The following RNF212 variants were observed in gnomAD, a reference collection of about 807,000 sequenced individuals.
The protein encoded by RNF212 is probable E3 SUMO-protein ligase RNF212.
RNF212 carries 33 observed loss-of-function variants against 34.7 expected under a neutral mutation model. The observed-to-expected ratio is 0.95, with a 90% CI of 0.72 to 1.27. RNF212 has a LOEUF of 1.27. Ranked by LOEUF, RNF212 falls within the 50% of genes most tolerant of loss-of-function variation. RNF212 has a pLI of 0.00. For missense variants in RNF212, 377 were observed against 362.2 expected, an observed-to-expected ratio of 1.04 and a Z score of -0.33; for synonymous variants, 140 against 136.1, an observed-to-expected ratio of 1.03 and a Z score of -0.20.
At chr4:1,089,324 C>G (rs676561) in intron 4 of RNF212, among the ~76,000 whole-genome samples, 1 of 152,118 alleles carries the variant, frequency 6.6e-6, no homozygotes, top group Non-Finnish European at 1.5e-5. Flanking sequence ...CTGCTGGGTT[C>G]TGGACTTGCA....
intron 5 of RNF212, among the ~76,000 whole-genome samples, chr4:1,082,201 GACAAGTT>G (rs1214550376): frequency 1.3e-5 from 2 of 152,088 alleles, no homozygotes; most frequent in African/African-American, 2.4e-5. Flanking sequence ...GAGAAATATG[GACAAGTT>G]ACTTGGTCAC....
chr4:1,056,472 C>T, exon 5 of RNF212: 2 of 983,316 alleles, frequency 2.0e-6, no homozygotes, highest in Non-Finnish European at 1.2e-6. Flanking sequence ...AAAAACACAA[C>T]TTTGTCTTTG....
At chr4:1,078,960 C>T (rs1560109459) in intron 8 of RNF212, among the ~76,000 whole-genome samples, 4 of 150,802 alleles carry the variant, frequency 2.7e-5, no homozygotes, top group African/African-American at 9.8e-5. Flanking sequence ...CAACACAGGA[C>T]CAACATAGGA....
At position 1,073,161 on chromosome 4, in the gene RNF212, G is replaced by A. The variant is rs570777794; in HGVS notation, c.607C>T (p.Pro203Ser). The change falls in exon 10 of 10, where the codon CCA becomes TCA. Residue 203 changes from proline (P) to serine (S), a missense_variant. Transcript: ENST00000433731. Reference protein sequence around the residue: ...PHLTASFCFIPWLTLSKPPVP... With the variant: ...PHLTASFCFISWLTLSKPPVP... Reference sequence around the variant, plus strand: ...GGGGGCTTAGACAAGGTCAACCATGGGATGAAACAGAAAGAAGCTGTTAGA... The same window carrying A: ...GGGGGCTTAGACAAGGTCAACCATGAGATGAAACAGAAAGAAGCTGTTAGA... 9 of 1,614,032 alleles carry A rather than the reference G, an allele frequency of 5.6e-6. No homozygotes were observed. In the African/African-American group the frequency reaches 1.2e-4, roughly 22 times the overall value.
rs1577643048 is a variant in RNF212, at chr4:1,073,176, A to C, written c.592T>G (p.Ser198Ala). The change falls in exon 10 of 10, where the codon TCT (serine) becomes GCT (alanine). Residue 198 changes from serine (S) to alanine (A), a missense_variant. Transcript: ENST00000433731. ...GTCAACCATGGGATGAAACAGAAAG[A>C]AGCTGTTAGATGTGGCCCTGCGGGA... ...DGRMGPHLTA[S>A]FCFIPWLTLS... The C allele has an allele frequency of 1.9e-6, 3 of 1,613,946 alleles. No individual in the cohort carries two copies. The South Asian group carries it at 3.3e-5, about 18-fold the overall frequency.
intron 4 of RNF212, chr4:1,056,839 T>TA (rs1717355451): frequency 1.0e-6 from 1 of 987,618 alleles, no homozygotes; most frequent in Admixed American, 6.1e-5. Context: ...AGCACTTGCC[T>TA]AAACACTGCC....
chr4:1,113,345 G>A lies in RNF212; in HGVS notation c.109+11C>T. The A allele has an allele frequency of 6.5e-7, 1 of 1,549,166 alleles. No individual in the cohort carries two copies. Among genetic ancestry groups the A allele is most frequent in the Non-Finnish European group, 8.7e-7 (1 of 1,152,306 alleles). ...CCTCCCCTCTCCAGCCTGCGTTCGG[G>A]AAGCCCTGACCTTTGCCGAGGCAGG... On this transcript the variant is annotated intron_variant, in intron 1 of 9. Coordinates refer to ENST00000433731, the MANE Select transcript of RNF212 (RefSeq NM_001131034.4).
At chr4:1,056,550 T>C (rs1717340647) in intron 4 of RNF212, 3 of 933,000 alleles carry the variant, frequency 3.2e-6, no homozygotes, top group Non-Finnish European at 3.8e-6. Flanking sequence ...AAAAATAAGG[T>C]GGGGAGAAGA....
intron 8 of RNF212, among the ~76,000 whole-genome samples, chr4:1,076,502 CGA>C (rs554322498): frequency 9.2e-5 from 14 of 152,252 alleles, no homozygotes; most frequent in African/African-American, 3.4e-4. Flanking sequence ...AGGTTCACCT[CGA>C]GAGAGGCCTG....
At chr4:1,103,811 A>G (rs1053451554) in intron 2 of RNF212, among the ~76,000 whole-genome samples, 1 of 152,226 alleles carries the variant, frequency 6.6e-6, no homozygotes, top group Non-Finnish European at 1.5e-5. Flanking sequence ...TTGACCCTGA[A>G]ATTAGGAAAA....
chr4:1,087,467 G>A (rs1721500637), intron 4 of RNF212, among the ~76,000 whole-genome samples: 1 of 119,506 alleles, frequency 8.4e-6, no homozygotes, highest in African/African-American at 3.3e-5. Context: ...GGTGGGTGGG[G>A]GTGACAGGAT....
intron 3 of RNF212, among the ~76,000 whole-genome samples, chr4:1,094,908 G>A (rs1722803673): frequency 6.6e-6 from 1 of 152,144 alleles, no homozygotes; most frequent in Non-Finnish European, 1.5e-5. Context: ...CAGACCAAAT[G>A]AACATTGTCA....
In RNF212 at chr4:1,076,013, G is replaced by A. The variant is rs537535362; in HGVS notation, c.511-2351C>T. On this transcript the variant is annotated intron_variant, in intron 8 of 9. Transcript: ENST00000433731. ...AATGGTATTCATTTTGTATTTGTGAGTCATGATTTTACCTTTTCAAAAAGA... is the reference window on the plus strand; with the variant it reads ...AATGGTATTCATTTTGTATTTGTGAATCATGATTTTACCTTTTCAAAAAGA... 1.2e-4 allele frequency among the ~76,000 whole-genome samples: 18 copies of A among 152,308 alleles called. No homozygotes were observed. In the East Asian group the frequency reaches 3.5e-3, roughly 29 times the overall value.
chr4:1,060,105 AAAAAAAAAG>A (rs1474412078), intron 3 of RNF212, among the ~76,000 whole-genome samples: 170 of 125,880 alleles, frequency 1.4e-3, no homozygotes, highest in African/African-American at 5.4e-3. Flanking sequence ...ATCAAAAAAA[AAAAAAAAAG>A]AAAAAAGAAA....
At chr4:1,112,292 GC>G (rs1463475340) in intron 1 of RNF212, among the ~76,000 whole-genome samples, 1 of 152,152 alleles carries the variant, frequency 6.6e-6, no homozygotes, top group African/African-American at 2.4e-5. Context: ...TGGTTGTAGG[GC>G]TGCATTCACT....
downstream of RNF212, among the ~76,000 whole-genome samples, chr4:1,070,143 C>T (rs1349922626): frequency 1.6e-3 from 122 of 75,704 alleles, no homozygotes; most frequent in Admixed American, 3.0e-3. Context: ...CGGGTGGTTT[C>T]GTAGGACTGC....
chr4:1,090,547 G>C (rs62294750), intron 4 of RNF212, among the ~76,000 whole-genome samples: 6,685 of 152,290 alleles, frequency 0.044, 167 homozygotes, highest in Middle Eastern at 0.068. Context: ...GGCCAGGCAG[G>C]GAGGCCCATG....
At chr4:1,075,197 T>C (rs1719087255) in intron 8 of RNF212, among the ~76,000 whole-genome samples, 1 of 152,246 alleles carries the variant, frequency 6.6e-6, no homozygotes, top group Admixed American at 6.5e-5. Context: ...TGTGTTCACA[T>C]CTGCATTTGG....
At chr4:1,068,816 A>T (rs1205716148), downstream of RNF212, among the ~76,000 whole-genome samples, 1 of 152,222 alleles carries the variant, frequency 6.6e-6, no homozygotes, top group Non-Finnish European at 1.5e-5. Context: ...ATTTCATTGG[A>T]TACAGAATTC....
Sources: gnomAD v4.1 joint callset for allele counts (sites outside exome capture counted in the v4.1 genomes callset) on GRCh38, gnomAD v4.1.1 for gene constraint, MANE v1.5 for transcripts, NCBI Gene and HGNC (gene_info 2026-07-23, HGNC 2026-07-21) for gene names.